GLI3: variants seen among roughly 807,000 people sequenced by gnomAD.
GLI3 encodes transcription activator GLI3.
Under a neutral mutation model 100.8 loss-of-function variants are expected in GLI3, and 20 were observed. The observed-to-expected ratio is 0.20, with a 90% CI of 0.14 to 0.29. The LOEUF is 0.29. GLI3 is among the 10% of genes least tolerant of loss of function. The pLI is 1.00. For missense variants in GLI3, 2,040 were observed against 2,128.5 expected (o/e 0.96, Z 0.82); for synonymous variants, 938 against 860.5 (o/e 1.09, Z -1.58).
intron 3 of GLI3, among the ~76,000 whole-genome samples, chr7:42,130,419 G>A (rs1357732851): frequency 1.3e-5 from 2 of 152,158 alleles, no homozygotes; most frequent in Non-Finnish European, 2.9e-5. Context: ...CTTTTAGAAG[G>A]TTTTAGAAAG....
chr7:42,008,584 T>C (rs1412835986), intron 10 of GLI3, among the ~76,000 whole-genome samples: 2 of 152,134 alleles, frequency 1.3e-5, no homozygotes, highest in African/African-American at 4.8e-5. Flanking sequence ...GCTGGGACTA[T>C]AGGCGCAAAC....
intron 10 of GLI3, among the ~76,000 whole-genome samples, chr7:41,996,728 G>T (rs965451828): frequency 2.6e-5 from 4 of 152,180 alleles, no homozygotes; most frequent in African/African-American, 9.7e-5. Flanking sequence ...TATGATACAA[G>T]GAAGGTAAAT....
Position 41,964,133 on chromosome 7 carries a change from GAC to G in GLI3, c.*195_*196del, listed in dbSNP as rs1787089296. ...ATACTGATTCAAAACTGAAATGGAA[GAC>G]AGTTTCTCCCTAGAATACTTTAGGG... On this transcript the variant is annotated 3_prime_UTR_variant, in exon 15 of 15. Coordinates refer to ENST00000395925, the MANE Select transcript of GLI3 (RefSeq NM_000168.6). 15 of 513,938 alleles carry G rather than the reference GAC, an allele frequency of 2.9e-5. No individual in the cohort carries two copies. The East Asian group carries it at 5.3e-4, about 18-fold the overall frequency. The allele number at this position is 513,938 out of a possible 1,614,324, so 31.8% of individuals were successfully genotyped here.
chr7:42,258,875 AC>A (rs1165816686), intron 1 of GLI3, among the ~76,000 whole-genome samples: 1 of 152,076 alleles, frequency 6.6e-6, no homozygotes, highest in Non-Finnish European at 1.5e-5. Flanking sequence ...GGGGACACAA[AC>A]TTTTGGCCCA....
Position 42,025,316 on chromosome 7 carries a change from G to A in GLI3, c.1304C>T (p.Ser435Phe). ...GAGGTCTTCATCGGGTTTGATCTTG[G>A]ACCTCTTGTTGTGCATCGGGTCACC... ...STGDPMHNKR[S>F]KIKPDEDLPS... Residue 435 changes from serine (S) to phenylalanine (F), a missense_variant, in exon 9 of 15, where the codon TCC (serine) becomes TTC (phenylalanine). Physicochemically the swap from Ser to Phe is radical, Grantham distance 155. Transcript: ENST00000395925. 6.2e-7 allele frequency: 1 copy of A among 1,614,128 alleles called. No individual in the cohort carries two copies. Among genetic ancestry groups the A allele is most frequent in the Non-Finnish European group, 8.5e-7 (1 of 1,180,018 alleles).
At chr7:41,990,419 T>C (rs1296634372) in intron 10 of GLI3, among the ~76,000 whole-genome samples, 1 of 152,094 alleles carries the variant, frequency 6.6e-6, no homozygotes, top group African/African-American at 2.4e-5. Context: ...AAAACGTAAA[T>C]GAAAAACGAG....
rs145600918 is a variant in GLI3 at position 42,119,286 on chromosome 7, C to T, written c.367+28940G>A. 5.5e-4 allele frequency among the ~76,000 whole-genome samples: 84 copies of T among 152,228 alleles called. No individual in the cohort carries two copies. The East Asian group carries it at 0.014, about 26-fold the overall frequency. On this transcript the variant is annotated intron_variant, in intron 3 of 14. Coordinates refer to ENST00000395925, the MANE Select transcript of GLI3 (RefSeq NM_000168.6). ...AGGAAAGCAATTTTCAGTGTTTTTC[C>T]TCGACCGGTTTTTGAATCACGTGGG...
intron 3 of GLI3, among the ~76,000 whole-genome samples, chr7:42,082,284 T>C (rs546678004): frequency 5.3e-4 from 81 of 152,220 alleles, no homozygotes; most frequent in African/African-American, 1.9e-3. Context: ...TCCTCGTGCC[T>C]GCAAGTCGTT....
At chr7:42,045,157 T>C (rs1257893207) in intron 6 of GLI3, among the ~76,000 whole-genome samples, 1 of 152,240 alleles carries the variant, frequency 6.6e-6, no homozygotes, top group African/African-American at 2.4e-5. Context: ...ATTGCCTGCA[T>C]CTGTCAGTTC....
intron 2 of GLI3, among the ~76,000 whole-genome samples, chr7:42,161,426 T>C (rs1787128837): frequency 6.6e-6 from 1 of 152,156 alleles, no homozygotes; most frequent in Non-Finnish European, 1.5e-5. Flanking sequence ...TAGCTGGTCT[T>C]TTGCAGAAAA....
At chr7:42,198,677 G>C (rs753563084) in intron 2 of GLI3, among the ~76,000 whole-genome samples, 3 of 151,992 alleles carry the variant, frequency 2.0e-5, no homozygotes, top group Non-Finnish European at 4.4e-5. Flanking sequence ...TTCCCTTAAG[G>C]GATTAATGTA....
rs1788367135 is a variant in GLI3, at chr7:42,003,526, T to C, written c.1497+19942A>G. On this transcript the variant is annotated intron_variant, in intron 10 of 14. Transcript: ENST00000395925. ...TGACAGAGAAATAAAATAATGAAGG[T>C]GATTTAATAAAGTGTACAGCAGGCA... Among the ~76,000 whole-genome samples the C allele has an allele frequency of 2.0e-5, 3 of 151,968 alleles. No individual in the cohort carries two copies. In the South Asian group the frequency reaches 6.2e-4, roughly 32 times the overall value.
intron 1 of GLI3, among the ~76,000 whole-genome samples, chr7:42,254,028 T>A (rs1789060120): frequency 6.6e-6 from 1 of 152,118 alleles, no homozygotes; most frequent in Non-Finnish European, 1.5e-5. Flanking sequence ...AAGACAGGCC[T>A]GACCAACATG....
rs552416971 is a variant in GLI3 at position 42,056,722 on chromosome 7, G to A, written c.474-8026C>T. Among the ~76,000 whole-genome samples, 19 of 151,912 alleles carry A rather than the reference G, an allele frequency of 1.3e-4. No homozygotes were observed. In the South Asian group the frequency reaches 2.9e-3, roughly 23 times the overall value. On this transcript the variant is annotated intron_variant, in intron 4 of 14. Transcript: ENST00000395925. ...TCCCAGCACTTTGGGAGGCTGAGTC[G>A]GGTGGATCACCTGAGGTGGAGAGTT...
At chr7:42,259,370 C>T (rs1789116983) in intron 1 of GLI3, among the ~76,000 whole-genome samples, 1 of 152,184 alleles carries the variant, frequency 6.6e-6, no homozygotes, top group Non-Finnish European at 1.5e-5. Flanking sequence ...GCTTAGAACT[C>T]TGTTTTAAGT....
intron 9 of GLI3, among the ~76,000 whole-genome samples, 184 bp from the exon 10 acceptor site, chr7:42,023,792 G>T (rs746466573): frequency 5.3e-5 from 8 of 152,150 alleles, no homozygotes; most frequent in Admixed American, 1.3e-4. Flanking sequence ...TACACTCTGA[G>T]AGTTTTAAAC....
chr7:42,072,020 G>C (rs1357360801), intron 4 of GLI3, among the ~76,000 whole-genome samples: 3 of 152,188 alleles, frequency 2.0e-5, no homozygotes, highest in Non-Finnish European at 4.4e-5. Context: ...GAACATGAGT[G>C]CTCATTTTCC....
chr7:42,237,739 C>G (rs1247871416), upstream of GLI3: 1 of 152,238 alleles, frequency 6.6e-6, no homozygotes, highest in African/African-American at 2.4e-5. Context: ...CGCCTGCCGC[C>G]GCAGGGGGCG....
chr7:42,239,196 G>A (rs566021767), upstream of GLI3, among the ~76,000 whole-genome samples: 4 of 152,274 alleles, frequency 2.6e-5, no homozygotes, highest in South Asian at 6.2e-4. Context: ...CTGACTCATC[G>A]CAGAGAGCAC....
Sources: allele counts gnomAD v4.1 joint callset (sites outside exome capture counted in the v4.1 genomes callset), GRCh38; gene constraint gnomAD v4.1.1; transcripts MANE v1.5; gene names NCBI Gene and HGNC (gene_info 2026-07-23, HGNC 2026-07-21).